The following HTR1F variants were observed in gnomAD, a reference collection of about 807,000 sequenced individuals.
HTR1F encodes 5-hydroxytryptamine (serotonin) receptor 1F, G protein-coupled.
Under a neutral mutation model 24.0 loss-of-function variants are expected in HTR1F, and 17 were observed. The observed-to-expected ratio is 0.71, with a 90% CI of 0.48 to 1.06. The LOEUF (loss-of-function observed/expected upper bound fraction) is 1.06, where lower values mean the gene tolerates loss of function less well. Ranked by LOEUF, HTR1F falls within the 50% of genes least tolerant of loss-of-function variation. The pLI is 0.00. For missense variants in HTR1F, 391 were observed against 427.8 expected (o/e 0.91, Z 0.76); for synonymous variants, 186 against 156.8 (o/e 1.19, Z -1.39).
intron 2 of HTR1F, among the ~76,000 whole-genome samples, chr3:87,966,859 A>G (rs1367841144): frequency 1.3e-5 from 2 of 152,080 alleles, no homozygotes; most frequent in Admixed American, 6.5e-5. Flanking sequence ...TAATCCAACA[A>G]TGTTCCTTTC....
intron 2 of HTR1F, among the ~76,000 whole-genome samples, chr3:87,923,768 T>C (rs1704063143): frequency 6.6e-6 from 1 of 152,094 alleles, no homozygotes; most frequent in Admixed American, 6.6e-5. Context: ...TTTTTCTCCT[T>C]CCTTCTATTT....
intron 2 of HTR1F, among the ~76,000 whole-genome samples, chr3:87,884,740 AG>A (rs1336946989): frequency 6.6e-6 from 1 of 152,194 alleles, no homozygotes; most frequent in Non-Finnish European, 1.5e-5. Flanking sequence ...AAAGATCAAA[AG>A]GGACAAAGAA....
chr3:87,804,520 ATTATATATCTCAATTC>A, intron 1 of HTR1F, among the ~76,000 whole-genome samples: 1 of 152,300 alleles, frequency 6.6e-6, no homozygotes, highest in Non-Finnish European at 1.5e-5. Context: ...GATAGCCAAA[ATTATATATCTCAATTC>A]TTGATTTTGG....
At chr3:87,975,959 A>G (rs1049705156) in intron 2 of HTR1F, among the ~76,000 whole-genome samples, 10 of 152,220 alleles carry the variant, frequency 6.6e-5, no homozygotes, top group Admixed American at 6.5e-5. Flanking sequence ...ACACTATGTT[A>G]CTAGACTTCT....
At chr3:87,983,700 C>A (rs1046993509) in intron 2 of HTR1F, among the ~76,000 whole-genome samples, 7 of 152,182 alleles carry the variant, frequency 4.6e-5, no homozygotes, top group Non-Finnish European at 8.8e-5. Flanking sequence ...ATCCCAATTC[C>A]TGATCCAATC....
chr3:87,911,446 A>G (rs1353760203), intron 2 of HTR1F, among the ~76,000 whole-genome samples: 1 of 152,166 alleles, frequency 6.6e-6, no homozygotes, highest in Non-Finnish European at 1.5e-5. Flanking sequence ...TAGACAATTA[A>G]CAGGCTCCAA....
At chr3:87,909,434 G>C (rs1167350375) in intron 2 of HTR1F, among the ~76,000 whole-genome samples, 1 of 151,796 alleles carries the variant, frequency 6.6e-6, no homozygotes, top group East Asian at 1.9e-4. Flanking sequence ...ACGTGCTCAC[G>C]ATATGCTTCC....
chr3:87,956,478 A>T (rs1363149132), intron 2 of HTR1F, among the ~76,000 whole-genome samples: 3 of 151,392 alleles, frequency 2.0e-5, no homozygotes, highest in African/African-American at 7.2e-5. Flanking sequence ...TTCTTAAAAT[A>T]TGTTTACCTT....
intron 2 of HTR1F, among the ~76,000 whole-genome samples, chr3:87,916,481 G>A (rs2107364285): frequency 6.6e-6 from 1 of 152,122 alleles, no homozygotes; most frequent in Non-Finnish European, 1.5e-5. Context: ...CTACCTTCGG[G>A]AGACTCACCT....
chr3:87,931,740 C>T (rs1254961277), intron 2 of HTR1F, among the ~76,000 whole-genome samples: 1 of 151,786 alleles, frequency 6.6e-6, no homozygotes, highest in East Asian at 1.9e-4. Flanking sequence ...GATTGGCATT[C>T]TAACTGGTGT....
At chr3:87,947,504 G>C (rs1704737097) in intron 2 of HTR1F, among the ~76,000 whole-genome samples, 1 of 151,950 alleles carries the variant, frequency 6.6e-6, no homozygotes, top group Non-Finnish European at 1.5e-5. Flanking sequence ...ATTACATAAA[G>C]TCATTAACAT....
intron 2 of HTR1F, among the ~76,000 whole-genome samples, chr3:87,928,849 TACA>T (rs1357936737): frequency 6.6e-6 from 1 of 152,172 alleles, no homozygotes; most frequent in Non-Finnish European, 1.5e-5. Flanking sequence ...TGTGTAAGGG[TACA>T]ACATTTCAGT....
chr3:87,990,033 T>C (rs1559661259), intron 2 of HTR1F, among the ~76,000 whole-genome samples: 3 of 152,228 alleles, frequency 2.0e-5, no homozygotes, highest in South Asian at 2.1e-4. Context: ...TTAATCTAAA[T>C]GAGTCTAGGT....
intron 1 of HTR1F, among the ~76,000 whole-genome samples, chr3:87,794,241 C>T (rs1219187220): frequency 6.6e-6 from 1 of 152,164 alleles, no homozygotes; most frequent in Non-Finnish European, 1.5e-5. Context: ...GCAGTCTCTT[C>T]CTCTTCTTCC....
intron 2 of HTR1F, among the ~76,000 whole-genome samples, chr3:87,931,048 C>CTTTTTTTTTTTTTTTTTT (rs148609245): frequency 8.6e-6 from 1 of 116,558 alleles, no homozygotes; most frequent in African/African-American, 2.9e-5. Context: ...TTTTTTTTTA[C>CTTTTTTTTTTTTTTTTTT]TTTTTTTATT....
rs771558843 is a variant in HTR1F, at chr3:87,990,831, C to T, written c.82C>T (p.Leu28Phe). 4 of 1,613,996 alleles carry T rather than the reference C, an allele frequency of 2.5e-6. No homozygotes were observed. The highest frequency in any genetic ancestry group is 1.7e-5 in the Admixed American group (1 of 60,000). ...NRMPSKILVSLTLSGLALMTT... is the reference protein window; with the variant it reads ...NRMPSKILVSFTLSGLALMTT... ...AATGCCATCCAAAATTCTGGTGTCC[C>T]TCACTCTGTCTGGGCTGGCACTGAT... is the stretch of plus-strand genomic sequence containing the variant. Residue 28 changes from leucine to phenylalanine, a missense_variant, in exon 3 of 3, where the codon CTC becomes TTC. Leu to Phe is a conservative substitution (Grantham distance 22). Transcript: ENST00000319595.
At chr3:87,888,986 T>TG (rs1415958811) in intron 2 of HTR1F, among the ~76,000 whole-genome samples, 1 of 152,190 alleles carries the variant, frequency 6.6e-6, no homozygotes, top group Non-Finnish European at 1.5e-5. Context: ...GTTTGGGTCA[T>TG]GGGGGAATAT....
At chr3:87,842,123 C>T (rs1332072878) in intron 2 of HTR1F, among the ~76,000 whole-genome samples, 1 of 151,596 alleles carries the variant, frequency 6.6e-6, no homozygotes, top group South Asian at 2.1e-4. Flanking sequence ...AATCTCTGAA[C>T]ATTAGCAATT....
At chr3:87,870,995 A>AG (rs1355949697) in intron 2 of HTR1F, among the ~76,000 whole-genome samples, 1 of 151,896 alleles carries the variant, frequency 6.6e-6, no homozygotes, top group African/African-American at 2.4e-5. Context: ...CTCAGAAAAA[A>AG]AAAAAAAATC....
Sources: allele counts gnomAD v4.1 joint callset (sites outside exome capture counted in the v4.1 genomes callset), GRCh38; gene constraint gnomAD v4.1.1; transcripts MANE v1.5; gene names NCBI Gene and HGNC (gene_info 2026-07-23, HGNC 2026-07-21).